HEATR5A: variants seen among roughly 807,000 people sequenced by gnomAD.
HEATR5A encodes the protein HEAT repeat containing 5A, also known as HEAT repeat-containing protein 5A.
In HEATR5A, 178 loss-of-function variants were observed where a neutral mutation model predicts 218.8. The ratio of observed to expected loss-of-function variants is 0.81; its 90% CI spans 0.72 to 0.92. The LOEUF is 0.92. HEATR5A is among the 40% of genes least tolerant of loss of function. The pLI is 0.00. For missense variants in HEATR5A, 2,420 were observed against 2,418.9 expected (o/e 1.00, Z -0.01); for synonymous variants, 864 against 871.6 (o/e 0.99, Z 0.15).
Position 31,300,837 on chromosome 14 carries a change from T to C in HEATR5A, c.5464+1458A>G, listed in dbSNP as rs368316717. Among the ~76,000 whole-genome samples the C allele has an allele frequency of 4.0e-4, 61 of 152,316 alleles. No individual in the cohort carries two copies. In the South Asian group the frequency reaches 0.012, roughly 29 times the overall value. On this transcript the variant is annotated intron_variant, in intron 33 of 35. Transcript: ENST00000543095. ...CCAAACTCCCTCTTGGTGAGTACTT[T>C]TAGAGAATCCTACTTGTGACACTCT...
At chr14:31,399,188 T>C (rs968831118) in intron 3 of HEATR5A, among the ~76,000 whole-genome samples, 9 of 152,228 alleles carry the variant, frequency 5.9e-5, no homozygotes, top group South Asian at 4.1e-4. Context: ...AAAAAGTGAC[T>C]ATTTTAAATT....
At chr14:31,299,590 G>A (rs1259232887) in intron 33 of HEATR5A, among the ~76,000 whole-genome samples, 1 of 151,924 alleles carries the variant, frequency 6.6e-6, no homozygotes, top group African/African-American at 2.4e-5. Flanking sequence ...AGGCGTGGTG[G>A]CACATGCCTG....
At chr14:31,332,136 A>T (rs982430317) in intron 22 of HEATR5A, among the ~76,000 whole-genome samples, 9 of 152,266 alleles carry the variant, frequency 5.9e-5, no homozygotes, top group Admixed American at 5.9e-4. Context: ...TAGATGAATC[A>T]ACATGTTCAC....
intron 6 of HEATR5A, among the ~76,000 whole-genome samples, chr14:31,392,650 T>C (rs2139291996): frequency 6.6e-6 from 1 of 152,342 alleles, no homozygotes; most frequent in East Asian, 1.9e-4. Flanking sequence ...TCCAGCTGTC[T>C]ATCTGATATC....
chr14:31,418,596 A>C (rs1176374717), intron 1 of HEATR5A, among the ~76,000 whole-genome samples: 1 of 152,254 alleles, frequency 6.6e-6, no homozygotes. Context: ...GGCCCCAGTT[A>C]ATTGATTTCT....
At chr14:31,405,630 C>T (rs757696329) in intron 1 of HEATR5A, among the ~76,000 whole-genome samples, 8 of 152,142 alleles carry the variant, frequency 5.3e-5, no homozygotes, top group Non-Finnish European at 1.0e-4. Context: ...CTACTAAATA[C>T]AGAAAAGGCG....
rs1901522373 is a variant in HEATR5A at position 31,359,015 on chromosome 14, G to A, written c.2114C>T (p.Thr705Ile). Residue 705 changes from threonine (T) to isoleucine (I), a missense_variant, in exon 15 of 36, where the codon ACT becomes ATT. Coordinates refer to ENST00000543095, the MANE Select transcript of HEATR5A (RefSeq NM_015473.4). ...AILRELAADL[T>I]APDIQVAAST... ...TGCTGCCACCTGAATATCAGGGGCA[G>A]TCAAGTCAGCAGCCAGCTCTCTGAG... 1 of 1,589,542 alleles carries A rather than the reference G, an allele frequency of 6.3e-7. No homozygotes were observed. The highest frequency in any genetic ancestry group is 2.2e-5 in the East Asian group (1 of 44,810).
chr14:31,383,383 A>G, intron 10 of HEATR5A, 138 bp downstream of exon 10: 1 of 773,932 alleles, frequency 1.3e-6, no homozygotes, highest in South Asian at 2.1e-5. Context: ...ATCCTCTAAA[A>G]TAAAATTGTA....
At chr14:31,347,287 T>C (rs115172712) in intron 19 of HEATR5A, among the ~76,000 whole-genome samples, 2,851 of 152,306 alleles carry the variant, frequency 0.019, 82 homozygotes, top group African/African-American at 0.065. Context: ...TCTGGACTTA[T>C]GGCAACCTCT....
At chr14:31,386,034 A>T (rs1309318918) in intron 9 of HEATR5A, among the ~76,000 whole-genome samples, 1 of 152,196 alleles carries the variant, frequency 6.6e-6, no homozygotes, top group Non-Finnish European at 1.5e-5. Flanking sequence ...GCCATGAATT[A>T]TATCTGAATA....
In HEATR5A at chr14:31,309,164, G is replaced by C. The variant is rs757014948; in HGVS notation, c.4460C>G (p.Ala1487Gly). 4 of 1,613,816 alleles carry C rather than the reference G, an allele frequency of 2.5e-6. No individual in the cohort carries two copies. The highest frequency in any genetic ancestry group is 3.4e-6 in the Non-Finnish European group (4 of 1,179,748). ...LPAEGGAFYT[A>G]ETSENAKLHY... ...CAATTTTGCATTTTCACTAGTCTCT[G>C]CTGTGTAGAAAGCACCACCTAAAGC... is the stretch of plus-strand genomic sequence containing the variant. Residue 1487 changes from alanine to glycine, a missense_variant, in exon 29 of 36, where the codon GCA becomes GGA. By Grantham distance (60) the Ala-to-Gly change is moderately conservative. Coordinates refer to ENST00000543095, the MANE Select transcript of HEATR5A (RefSeq NM_015473.4).
intron 34 of HEATR5A, among the ~76,000 whole-genome samples, chr14:31,294,333 GTTAAT>G (rs1409157208): frequency 1.3e-5 from 2 of 151,550 alleles, no homozygotes; most frequent in Non-Finnish European, 2.9e-5. Flanking sequence ...AAAGCTGAGT[GTTAAT>G]TTTTCTTCTT....
chr14:31,312,875 G>A (rs1234237410), intron 28 of HEATR5A, 93 bp downstream of exon 28: 1 of 1,076,432 alleles, frequency 9.3e-7, no homozygotes, highest in East Asian at 2.6e-5. Context: ...TCCAGCCTGG[G>A]AAACAAAGTA....
intron 22 of HEATR5A, 111 bp from the exon 23 acceptor site, chr14:31,326,453 A>C: frequency 1.3e-6 from 1 of 762,996 alleles, no homozygotes; most frequent in Non-Finnish European, 2.1e-6. Flanking sequence ...CATCTTAAAG[A>C]ACTAGCCCAA....
chr14:31,393,974 T>G (rs2030552555), intron 6 of HEATR5A, 78 bp downstream of exon 6: 5 of 949,788 alleles, frequency 5.3e-6, no homozygotes, highest in African/African-American at 1.7e-5. Flanking sequence ...CGGGTAGCAA[T>G]AACACTATAC....
intron 11 of HEATR5A, among the ~76,000 whole-genome samples, chr14:31,375,549 A>G (rs1157393541): frequency 6.6e-6 from 1 of 152,048 alleles, no homozygotes; most frequent in Non-Finnish European, 1.5e-5. Flanking sequence ...TTACAGGTAC[A>G]TGCCACCACG....
chr14:31,306,719 G>A lies in HEATR5A; in HGVS notation c.4966+13C>T, dbSNP rs780831642. 3 of 1,600,360 alleles carry A rather than the reference G, an allele frequency of 1.9e-6. No homozygotes were observed. Among genetic ancestry groups the A allele is most frequent in the Non-Finnish European group, 2.6e-6 (3 of 1,171,768 alleles). ...GCTATTTGATCAACTCGGCATTAAAGGTTAACATTTACCTTCTGCACTTCG... is the reference window on the plus strand; with the variant it reads ...GCTATTTGATCAACTCGGCATTAAAAGTTAACATTTACCTTCTGCACTTCG... On this transcript the variant is annotated intron_variant, in intron 31 of 35. Transcript: ENST00000543095.
rs2139113301 is a variant in HEATR5A at position 31,292,258 on chromosome 14, G to T, written c.*1047C>A. 6.6e-6 allele frequency: 1 copy of T among 152,252 alleles called. No individual in the cohort carries two copies. Among genetic ancestry groups the T allele is most frequent in the Middle Eastern group, 3.4e-3 (1 of 294 alleles). The allele number at this position is 152,252 out of a possible 1,614,324, so 9.4% of individuals were successfully genotyped here. A position where few individuals can be genotyped will look rare whatever the true frequency, so the allele number is the denominator to read the frequency against. ...ATATGAACCTAGGTTAAAACTCATT[G>T]ATACAAATGTTTGCCACAAATGAAA... On this transcript the variant is annotated 3_prime_UTR_variant, in exon 36 of 36. Coordinates refer to ENST00000543095, the MANE Select transcript of HEATR5A (RefSeq NM_015473.4).
chr14:31,399,087 TTTGAG>T (rs1330954655), intron 3 of HEATR5A, among the ~76,000 whole-genome samples: 2 of 152,202 alleles, frequency 1.3e-5, no homozygotes, highest in African/African-American at 4.8e-5. Context: ...TATGATCAAT[TTTGAG>T]TTAATTTTTT....
Sources: allele counts gnomAD v4.1 joint callset (sites outside exome capture counted in the v4.1 genomes callset), GRCh38; gene constraint gnomAD v4.1.1; transcripts MANE v1.5; gene names NCBI Gene and HGNC (gene_info 2026-07-23, HGNC 2026-07-21).